Variants in CRYBG3 observed in about 807,000 individuals in gnomAD.
The protein encoded by CRYBG3 is crystallin beta-gamma domain containing 3, also known as very large A-kinase anchor protein.
A neutral mutation model predicts 244.2 loss-of-function variants in CRYBG3; 127 were observed. That is an observed-to-expected ratio of 0.52 (90% CI 0.45 to 0.60). The LOEUF is 0.60. Ranked by LOEUF, CRYBG3 falls within the 20% of genes least tolerant of loss-of-function variation. CRYBG3 has a pLI of 0.00. For missense variants in CRYBG3, 3,325 were observed against 3,442.5 expected (o/e 0.97, Z 0.85); for synonymous variants, 1,132 against 1,195.8 (o/e 0.95, Z 1.10).
chr3:97,943,416 C>T lies in CRYBG3; in HGVS notation c.*102C>T. 2.9e-6 allele frequency: 2 copies of T among 689,706 alleles called. No homozygotes were observed. The allele number at this position is 689,706 out of a possible 1,614,324, so 42.7% of individuals were successfully genotyped here. ...AAAGGAAGCTACTGTCCTCACACTC[C>T]TGGATCACTGAGCAGAATGAACATT... On this transcript the variant is annotated 3_prime_UTR_variant, in exon 22 of 22. Coordinates refer to ENST00000389622, the MANE Select transcript of CRYBG3 (RefSeq NM_153605.4).
chr3:97,921,593 T>C (rs2039985381), intron 17 of CRYBG3, among the ~76,000 whole-genome samples: 1 of 152,162 alleles, frequency 6.6e-6, no homozygotes, highest in African/African-American at 2.4e-5. Flanking sequence ...ATTATAATAA[T>C]AGCTTTAGAA....
chr3:97,913,350 T>C (rs1013615866), intron 16 of CRYBG3, among the ~76,000 whole-genome samples: 1 of 152,040 alleles, frequency 6.6e-6, no homozygotes, highest in African/African-American at 2.4e-5. Context: ...ATACCAGGGG[T>C]CAGCAAACTT....
intron 2 of CRYBG3, among the ~76,000 whole-genome samples, chr3:97,860,643 A>C (rs1349824914): frequency 6.6e-6 from 1 of 152,166 alleles, no homozygotes; most frequent in Non-Finnish European, 1.5e-5. Context: ...GATAGTCCTC[A>C]TCTTTCTTGA....
At chr3:97,900,540 C>T in intron 15 of CRYBG3, 55 bp downstream of exon 15, 1 of 1,061,184 alleles carries the variant, frequency 9.4e-7, no homozygotes, top group South Asian at 1.4e-5. Context: ...AGCATTTATA[C>T]CCTTTCTCTC....
chr3:97,863,072 C>T (rs2039173585), intron 2 of CRYBG3, among the ~76,000 whole-genome samples: 2 of 152,064 alleles, frequency 1.3e-5, no homozygotes, highest in South Asian at 2.1e-4. Flanking sequence ...ATGTTCTTGC[C>T]TTCTGGAAGA....
rs1307120570 is a variant in CRYBG3 at position 97,922,211 on chromosome 3, G to A, written c.8241+6475G>A. On this transcript the variant is annotated intron_variant, in intron 17 of 21. Coordinates refer to ENST00000389622, the MANE Select transcript of CRYBG3 (RefSeq NM_153605.4). ...TTCAAGATGGATTAAAGACTTAAAT[G>A]TTAGACCTAAAACCATAAAAACCCT... is the stretch of plus-strand genomic sequence containing the variant. Among the ~76,000 whole-genome samples, 10 of 152,244 alleles carry A rather than the reference G, an allele frequency of 6.6e-5. 1 individual carries two copies. Among genetic ancestry groups the A allele is most frequent in the African/African-American group, 2.2e-4 (9 of 41,556 alleles).
chr3:97,886,249 T>C (rs2039505830), intron 7 of CRYBG3, among the ~76,000 whole-genome samples: 1 of 152,172 alleles, frequency 6.6e-6, no homozygotes, highest in South Asian at 2.1e-4. Context: ...TTTAACTCTC[T>C]TCCTCCCTTA....
chr3:97,849,146 A>G (rs2038947501), intron 2 of CRYBG3, among the ~76,000 whole-genome samples: 1 of 152,182 alleles, frequency 6.6e-6, no homozygotes, highest in Non-Finnish European at 1.5e-5. Context: ...TCCTTATTTC[A>G]TAGAGGTGTT....
Position 97,915,636 on chromosome 3 carries a change from T to C in CRYBG3, c.8141T>C (p.Met2714Thr). ...GCWLLYYQED[M>T]FVNHCVLEEG... ...TGGCTCCTCTATTACCAAGAAGACA[T>C]GTTTGTTAATCACTGTGTGTTAGAA... Residue 2714 changes from methionine to threonine, a missense_variant, in exon 17 of 22, where the codon ATG becomes ACG. By Grantham distance (81) the Met-to-Thr change is moderately conservative. This residue lies in a region of CRYBG3 where 714 missense variants were observed against 803.6 expected (regional missense o/e 0.89). Transcript: ENST00000389622. 1.2e-6 allele frequency: 2 copies of C among 1,611,802 alleles called. No homozygotes were observed. Among genetic ancestry groups the C allele is most frequent in the Non-Finnish European group, 1.7e-6 (2 of 1,178,424 alleles).
chr3:97,934,781 A>C (rs2040141272), intron 18 of CRYBG3, among the ~76,000 whole-genome samples: 1 of 152,158 alleles, frequency 6.6e-6, no homozygotes, highest in Admixed American at 6.5e-5. Context: ...CTATCTAAGC[A>C]TAAGATTCCA....
At chr3:97,887,420 GACA>G (rs1360060274) in intron 8 of CRYBG3, among the ~76,000 whole-genome samples, 1 of 152,082 alleles carries the variant, frequency 6.6e-6, no homozygotes, top group Admixed American at 6.6e-5. Flanking sequence ...GACACTGTAG[GACA>G]ACATTTTTGT....
chr3:97,884,487 A>G (rs1314747534), intron 7 of CRYBG3, among the ~76,000 whole-genome samples: 1 of 152,158 alleles, frequency 6.6e-6, no homozygotes. Context: ...GTTAACTATA[A>G]AACTGTCTTC....
Position 97,876,314 on chromosome 3 carries a change from T to C in CRYBG3, c.5120T>C (p.Val1707Ala), listed in dbSNP as rs978119224. ...GGEGISEKAE[V>A]IPVTLAMENT... The stretch of plus-strand genomic sequence containing the variant: ...GAAGGGATTAGTGAAAAGGCTGAAG[T>C]GATACCCGTTACATTAGCAATGGAA... The change falls in exon 4 of 22, where the codon GTG (valine) becomes GCG (alanine). Residue 1707 changes from valine (V) to alanine (A), a missense_variant. Val to Ala is a moderately conservative substitution (Grantham distance 64). Transcript: ENST00000389622. 5 of 1,231,888 alleles carry C rather than the reference T, an allele frequency of 4.1e-6. No individual in the cohort carries two copies. The East Asian group carries it at 1.6e-4, about 39-fold the overall frequency. 76.3% of individuals were successfully genotyped at this position (1,231,888 alleles called of 1,614,324 possible). A position where few individuals can be genotyped will look rare whatever the true frequency, so the allele number is the denominator to read the frequency against.
chr3:97,918,168 T>C, intron 17 of CRYBG3, among the ~76,000 whole-genome samples: 1 of 152,206 alleles, frequency 6.6e-6, no homozygotes, highest in East Asian at 1.9e-4. Context: ...TTGCCTGCAG[T>C]TGGTATTCCC....
chr3:97,855,499 T>G lies in CRYBG3; in HGVS notation c.217-8718T>G, dbSNP rs184624124. Reference sequence around the variant, plus strand: ...TCTTTGTTGGGAGACTTTTTATTACTTATTCAACCTTGGTACTAGTTATTG... The same window carrying G: ...TCTTTGTTGGGAGACTTTTTATTACGTATTCAACCTTGGTACTAGTTATTG... On this transcript the variant is annotated intron_variant, in intron 2 of 21. Transcript: ENST00000389622. Among the ~76,000 whole-genome samples, 5 of 152,278 alleles carry G rather than the reference T, an allele frequency of 3.3e-5. No individual in the cohort carries two copies. The East Asian group carries it at 9.6e-4, about 29-fold the overall frequency.
intron 17 of CRYBG3, among the ~76,000 whole-genome samples, chr3:97,930,318 C>T (rs2040083861): frequency 6.6e-6 from 1 of 151,978 alleles, no homozygotes; most frequent in South Asian, 2.1e-4. Context: ...AAGTGGAATA[C>T]TTTCTAAAAA....
At chr3:97,826,223 G>C (rs187692197) in intron 1 of CRYBG3, among the ~76,000 whole-genome samples, 1 of 152,176 alleles carries the variant, frequency 6.6e-6, no homozygotes, top group East Asian at 1.9e-4. Flanking sequence ...CCATCTCTTG[G>C]GTTCAATAAG....
At chr3:97,893,124 A>G in intron 11 of CRYBG3, 131 bp downstream of exon 11, 1 of 761,890 alleles carries the variant, frequency 1.3e-6, no homozygotes, top group Non-Finnish European at 2.1e-6. Context: ...TATGGAAAGT[A>G]AAAAATATTA....
chr3:97,936,265 T>C (rs2040163252), intron 18 of CRYBG3, among the ~76,000 whole-genome samples: 1 of 152,042 alleles, frequency 6.6e-6, no homozygotes, highest in Non-Finnish European at 1.5e-5. Context: ...GGGAGGATTC[T>C]CAAAGGAGCT....
Sources: gnomAD v4.1 joint callset for allele counts (sites outside exome capture counted in the v4.1 genomes callset) on GRCh38, gnomAD v4.1.1 for gene constraint, gnomAD v4.1.1 regional missense constraint, MANE v1.5 for transcripts, NCBI Gene and HGNC (gene_info 2026-07-23, HGNC 2026-07-21) for gene names.